The following CPEB2 variants were observed in gnomAD, a reference collection of about 807,000 sequenced individuals.
The protein encoded by CPEB2 is cytoplasmic polyadenylation element-binding protein 2.
In CPEB2, 56 loss-of-function variants were observed where a neutral mutation model predicts 93.6. The ratio of observed to expected loss-of-function variants is 0.60; its 90% confidence interval spans 0.48 to 0.75. The LOEUF (loss-of-function observed/expected upper bound fraction) is 0.75, where lower values mean the gene tolerates loss of function less well. Ranked by LOEUF, CPEB2 falls within the 30% of genes least tolerant of loss-of-function variation. The pLI is 0.00. For synonymous variants in CPEB2, 764 were observed against 586.3 expected, an observed-to-expected ratio of 1.30 and a Z score of -4.38; for missense variants, 1,579 against 1,395.1, an observed-to-expected ratio of 1.13 and a Z score of -2.10.
At chr4:15,046,980 A>T (rs750691628) in intron 6 of CPEB2, among the ~76,000 whole-genome samples, 1 of 152,342 alleles carries the variant, frequency 6.6e-6, no homozygotes, top group East Asian at 1.9e-4. Flanking sequence ...ATGGTGTGAT[A>T]CAAGGATCAA....
chr4:15,015,411 G>A (rs1577377744), intron 3 of CPEB2, among the ~76,000 whole-genome samples: 2 of 151,956 alleles, frequency 1.3e-5, no homozygotes, highest in East Asian at 3.8e-4. Context: ...TGGTGATAAA[G>A]CTGGAATAAG....
At chr4:15,059,035 A>T (rs535443753) in intron 9 of CPEB2, 152 bp from the exon 10 acceptor site, 1 of 510,114 alleles carries the variant, frequency 2.0e-6, no homozygotes, top group South Asian at 3.2e-5. Flanking sequence ...TAGTATCTAG[A>T]TCAACAAAAG....
At chr4:15,025,446 C>CA (rs1725343509) in intron 4 of CPEB2, among the ~76,000 whole-genome samples, 2 of 151,822 alleles carry the variant, frequency 1.3e-5, no homozygotes, top group South Asian at 2.1e-4. Flanking sequence ...AAGTAAGACA[C>CA]AAAAAATGGG....
chr4:15,039,663 C>CT lies in CPEB2; in HGVS notation c.2177-791dup, dbSNP rs555692050. Among the ~76,000 whole-genome samples, 89 of 148,672 alleles carry CT rather than the reference C, an allele frequency of 6.0e-4. No homozygotes were observed. In the South Asian group the frequency reaches 9.6e-3, roughly 16 times the overall value. ...TTTCTTATGAAAAAGAAATTACAGT[C>CT]TTTTTTTTTTCCATAGGAATTATGT... is the stretch of plus-strand genomic sequence containing the variant. On this transcript the variant is annotated intron_variant, in intron 5 of 11. Transcript: ENST00000538197.
Position 15,054,742 on chromosome 4 carries a change from A to G in CPEB2, c.2461+525A>G, listed in dbSNP as rs76714726. Among the ~76,000 whole-genome samples, 627 of 152,268 alleles carry G rather than the reference A, an allele frequency of 4.1e-3. 2 individuals carry two copies. Among genetic ancestry groups the G allele is most frequent in the African/African-American group, 0.015 (606 of 41,554 alleles). ...CAAATTGTGCTAACCTTCACATGCAAGTCGCATGATCAAGTCACCATCTGT... is the reference window on the plus strand; with the variant it reads ...CAAATTGTGCTAACCTTCACATGCAGGTCGCATGATCAAGTCACCATCTGT... On this transcript the variant is annotated intron_variant, in intron 8 of 11. Coordinates refer to ENST00000538197, the MANE Select transcript of CPEB2 (RefSeq NM_001177382.2).
chr4:15,024,615 T>C (rs1725220296), intron 4 of CPEB2, among the ~76,000 whole-genome samples: 1 of 152,172 alleles, frequency 6.6e-6, no homozygotes, highest in African/African-American at 2.4e-5. Context: ...TTGGAATGTG[T>C]ATGTGCATAC....
chr4:15,051,394 C>T lies in CPEB2; in HGVS notation c.2201-1020C>T, dbSNP rs142316836. ...CATATTTCAGCCAACCTTGACTATTCCTTATTTCTCAAGTAAGTTCAATTT... is the reference window on the plus strand; with the variant it reads ...CATATTTCAGCCAACCTTGACTATTTCTTATTTCTCAAGTAAGTTCAATTT... On this transcript the variant is annotated intron_variant, in intron 6 of 11. Coordinates refer to ENST00000538197, the MANE Select transcript of CPEB2 (RefSeq NM_001177382.2). 1.1e-4 allele frequency among the ~76,000 whole-genome samples: 17 copies of T among 152,204 alleles called. No individual in the cohort carries two copies. In the South Asian group the frequency reaches 1.2e-3, roughly 11 times the overall value.
chr4:15,061,938 TAAC>T (rs771500213), intron 10 of CPEB2, 138 bp from the exon 11 acceptor site: 364 of 760,482 alleles, frequency 4.8e-4, no homozygotes, highest in Non-Finnish European at 6.7e-4. Context: ...CGTCCTTTTT[TAAC>T]AACAGCCTCT....
At position 15,004,062 on chromosome 4, in the gene CPEB2, T is replaced by G. The variant is rs1295493595; in HGVS notation, c.1389T>G (p.Pro463=). The change falls in exon 1 of 12, where the codon CCT becomes CCG. Residue 463 remains proline (P), a synonymous_variant. Coordinates refer to ENST00000538197, the MANE Select transcript of CPEB2 (RefSeq NM_001177382.2). ...LPSSMNPAFF[P]SFSPVSPHGC... ...CGTCCATGAACCCGGCCTTCTTCCCTAGCTTCTCGCCCGTGTCGCCGCACG... is the reference window on the plus strand; with the variant it reads ...CGTCCATGAACCCGGCCTTCTTCCCGAGCTTCTCGCCCGTGTCGCCGCACG... 2 of 1,566,474 alleles carry G rather than the reference T, an allele frequency of 1.3e-6. No homozygotes were observed. The highest frequency in any genetic ancestry group is 2.3e-5 in the South Asian group (2 of 86,718).
intron 4 of CPEB2, chr4:15,017,831 G>A (rs967808): frequency 0.73 from 110,135 of 151,624 alleles, 40,844 homozygotes; most frequent in East Asian, 0.97. Flanking sequence ...CTAATTGTTT[G>A]TAGTATTTGA....
chr4:15,024,512 T>C (rs1725210441), intron 4 of CPEB2, among the ~76,000 whole-genome samples: 1 of 152,110 alleles, frequency 6.6e-6, no homozygotes, highest in South Asian at 2.1e-4. Context: ...CTTGATTTCT[T>C]ACTTTATTTT....
At chr4:15,036,177 A>G (rs953149663) in intron 5 of CPEB2, among the ~76,000 whole-genome samples, 1 of 152,208 alleles carries the variant, frequency 6.6e-6, no homozygotes, top group African/African-American at 2.4e-5. Context: ...TATTTTTTAA[A>G]AAAGAGGTGT....
At chr4:15,035,000 A>G (rs1207575998) in intron 5 of CPEB2, among the ~76,000 whole-genome samples, 3 of 152,190 alleles carry the variant, frequency 2.0e-5, no homozygotes, top group Non-Finnish European at 4.4e-5. Flanking sequence ...TGTACTAAGT[A>G]TTTATTAAAT....
At chr4:15,005,616 C>T (rs771640768) in intron 1 of CPEB2, among the ~76,000 whole-genome samples, 2 of 152,166 alleles carry the variant, frequency 1.3e-5, no homozygotes, top group Non-Finnish European at 2.9e-5. Flanking sequence ...AAAATATGAC[C>T]TTAACCCCAT....
intron 10 of CPEB2, among the ~76,000 whole-genome samples, chr4:15,059,903 T>C (rs928900400): frequency 6.6e-6 from 1 of 152,136 alleles, no homozygotes; most frequent in East Asian, 1.9e-4. Flanking sequence ...CATAGAGATA[T>C]ATGTTAAAGA....
Position 15,003,701 on chromosome 4 carries a change from A to T in CPEB2, c.1028A>T (p.Gln343Leu). The T allele has an allele frequency of 6.9e-7, 1 of 1,446,984 alleles. No homozygotes were observed. Among genetic ancestry groups the T allele is most frequent in the Non-Finnish European group, 9.1e-7 (1 of 1,100,720 alleles). The allele number at this position is 1,446,984 out of a possible 1,614,324, so 89.6% of individuals were successfully genotyped here. A position where few individuals can be genotyped will look rare whatever the true frequency, so the allele number is the denominator to read the frequency against. The change falls in exon 1 of 12, where the codon CAG (glutamine) becomes CTG (leucine). Residue 343 changes from glutamine (Q) to leucine (L), a missense_variant. Physicochemically the swap from Gln to Leu is moderately radical, Grantham distance 113 (BLOSUM62 -2). This residue lies in a region of CPEB2 where 1,411 missense variants were observed against 1,056.0 expected (regional missense o/e 1.34). Coordinates refer to ENST00000538197, the MANE Select transcript of CPEB2 (RefSeq NM_001177382.2). ...ALGAGAFSSLQSPDLPHPGGG... is the reference protein window; with the variant it reads ...ALGAGAFSSLLSPDLPHPGGG... ...GGCGCGGGCGCCTTCAGCAGCCTGC[A>T]GAGCCCGGACCTTCCACACCCGGGC...
In CPEB2 at chr4:15,044,607, C is replaced by G. The variant is rs560272690; in HGVS notation, c.2200+4120C>G. On this transcript the variant is annotated intron_variant, in intron 6 of 11. Coordinates refer to ENST00000538197, the MANE Select transcript of CPEB2 (RefSeq NM_001177382.2). ...CCTATTGGAGCAAAACATTTTTAAG[C>G]CGTTAGTGTGTACATTATGGTGCCT... is the stretch of plus-strand genomic sequence containing the variant. Among the ~76,000 whole-genome samples, 4 of 152,134 alleles carry G rather than the reference C, an allele frequency of 2.6e-5. No homozygotes were observed. The East Asian group carries it at 7.7e-4, about 29-fold the overall frequency.
In CPEB2 at chr4:15,007,301, C is replaced by T. The variant is rs1722944821; in HGVS notation, c.1663-4C>T. 14 of 1,456,390 alleles carry T rather than the reference C, an allele frequency of 9.6e-6. No homozygotes were observed. The highest frequency in any genetic ancestry group is 2.8e-5 in the African/African-American group (2 of 70,306). 90.2% of individuals were successfully genotyped at this position (1,456,390 alleles called of 1,614,324 possible). ...CGCAATTTAAATAGCTATGTTTTCCCTAGCCTCTTCTGAAACAGTCTCCCT... is the reference window on the plus strand; with the variant it reads ...CGCAATTTAAATAGCTATGTTTTCCTTAGCCTCTTCTGAAACAGTCTCCCT... On this transcript the variant is annotated splice_region_variant and splice_polypyrimidine_tract_variant and intron_variant, in intron 1 of 11. Transcript: ENST00000538197.
chr4:15,065,333 G>A (rs983671835), intron 11 of CPEB2, among the ~76,000 whole-genome samples: 3 of 152,046 alleles, frequency 2.0e-5, no homozygotes, highest in Non-Finnish European at 2.9e-5. Flanking sequence ...CCTAAGGAAC[G>A]GCTGAGCTGT....
Sources: gnomAD v4.1 joint callset for allele counts (sites outside exome capture counted in the v4.1 genomes callset) on GRCh38, gnomAD v4.1.1 for gene constraint, gnomAD v4.1.1 regional missense constraint, MANE v1.5 for transcripts, NCBI Gene and HGNC (gene_info 2026-07-23, HGNC 2026-07-21) for gene names.